The following ARHGAP24 variants were observed in gnomAD, a reference collection of about 807,000 sequenced individuals.
The protein encoded by ARHGAP24 is rho GTPase-activating protein 24.
ARHGAP24 carries 50 observed loss-of-function variants against 76.4 expected under a neutral mutation model. That is an observed-to-expected ratio of 0.65 (90% CI 0.52 to 0.83). The LOEUF (loss-of-function observed/expected upper bound fraction) is 0.83. Ranked by LOEUF, ARHGAP24 falls within the 40% of genes least tolerant of loss-of-function variation. The pLI, the probability that ARHGAP24 is intolerant of heterozygous loss-of-function variation, is 0.00. For synonymous variants in ARHGAP24, 345 were observed against 323.3 expected (o/e 1.07, Z -0.72); for missense variants, 930 against 914.2 (o/e 1.02, Z -0.22).
In ARHGAP24 at chr4:85,889,835, TC is replaced by T. The variant is rs1422610382; in HGVS notation, c.269-33807del. Reference sequence around the variant, plus strand: ...GCAATCACAGCACATTATTTCTTAATCCCCCCTAAACGCCTTATCTATACAT... The same window carrying T: ...GCAATCACAGCACATTATTTCTTAATCCCCCTAAACGCCTTATCTATACAT... On this transcript the variant is annotated intron_variant, in intron 3 of 9. Transcript: ENST00000395184. Among the ~76,000 whole-genome samples the T allele has an allele frequency of 3.9e-5, 6 of 152,198 alleles. No homozygotes were observed. In the East Asian group the frequency reaches 5.8e-4, roughly 15 times the overall value.
intron 3 of ARHGAP24, among the ~76,000 whole-genome samples, chr4:85,727,507 T>G (rs569720903): frequency 1.3e-4 from 20 of 152,172 alleles, no homozygotes; most frequent in Non-Finnish European, 2.5e-4. Flanking sequence ...ACAGACATTT[T>G]CCAGCAGTGA....
intron 8 of ARHGAP24, chr4:85,990,555 A>G (rs1385388633): frequency 1.3e-5 from 2 of 152,032 alleles, no homozygotes; most frequent in African/African-American, 2.4e-5. Flanking sequence ...CACATAATTA[A>G]AAGTGTGCTA....
intron 3 of ARHGAP24, among the ~76,000 whole-genome samples, chr4:85,876,754 A>T (rs1485115394): frequency 6.6e-6 from 1 of 152,188 alleles, no homozygotes; most frequent in African/African-American, 2.4e-5. Flanking sequence ...TCTAAATGTG[A>T]TGGAGCACAC....
intron 4 of ARHGAP24, among the ~76,000 whole-genome samples, chr4:85,931,324 C>T (rs113093434): frequency 6.6e-6 from 1 of 152,184 alleles, no homozygotes; most frequent in African/African-American, 2.4e-5. Flanking sequence ...GCTGGGCTGA[C>T]CGTCCTCAGA....
chr4:85,499,128 T>C (rs953695598), intron 1 of ARHGAP24, among the ~76,000 whole-genome samples: 1 of 152,216 alleles, frequency 6.6e-6, no homozygotes, highest in African/African-American at 2.4e-5. Context: ...GCTTAGAATG[T>C]CTTCGAATTT....
chr4:85,917,445 G>A (rs1578385644), intron 3 of ARHGAP24, among the ~76,000 whole-genome samples: 1 of 151,884 alleles, frequency 6.6e-6, no homozygotes, highest in East Asian at 1.9e-4. Flanking sequence ...GGATGGCTGG[G>A]TCAAATGGTA....
chr4:85,915,522 C>T (rs1735334166), intron 3 of ARHGAP24, among the ~76,000 whole-genome samples: 3 of 152,272 alleles, frequency 2.0e-5, no homozygotes, highest in Non-Finnish European at 4.4e-5. Flanking sequence ...CCGCACCCAT[C>T]AACCTGTCAT....
intron 3 of ARHGAP24, among the ~76,000 whole-genome samples, chr4:85,816,098 G>A (rs954765368): frequency 6.6e-6 from 1 of 152,090 alleles, no homozygotes; most frequent in Non-Finnish European, 1.5e-5. Context: ...CCCACAATAC[G>A]TGGGAATTAT....
intron 3 of ARHGAP24, among the ~76,000 whole-genome samples, chr4:85,749,022 T>C (rs1182399543): frequency 1.3e-5 from 2 of 152,172 alleles, no homozygotes; most frequent in Admixed American, 1.3e-4. Context: ...CATACAGGCA[T>C]ACCGGATGGC....
intron 3 of ARHGAP24, among the ~76,000 whole-genome samples, chr4:85,738,340 A>C (rs1725679298): frequency 6.7e-6 from 1 of 150,202 alleles, no homozygotes; most frequent in Admixed American, 6.6e-5. Flanking sequence ...GTGTTTTCAA[A>C]TCTTTGGCCT....
chr4:85,584,684 A>G (rs915237302), intron 2 of ARHGAP24, among the ~76,000 whole-genome samples: 3 of 152,164 alleles, frequency 2.0e-5, no homozygotes, highest in African/African-American at 7.2e-5. Context: ...AAGTCCAGGA[A>G]GGAAAAAATA....
chr4:85,593,468 C>T (rs1013786240), intron 2 of ARHGAP24, among the ~76,000 whole-genome samples: 4 of 152,172 alleles, frequency 2.6e-5, no homozygotes, highest in East Asian at 1.9e-4. Flanking sequence ...TGATGTGACC[C>T]CATTTGTCCA....
intron 3 of ARHGAP24, among the ~76,000 whole-genome samples, chr4:85,724,770 C>G (rs1483929869): frequency 6.6e-6 from 1 of 151,886 alleles, no homozygotes; most frequent in African/African-American, 2.4e-5. Context: ...GATTCATTAT[C>G]CTATGAAATG....
chr4:85,919,858 T>A (rs1409952641), intron 3 of ARHGAP24, among the ~76,000 whole-genome samples: 2 of 152,130 alleles, frequency 1.3e-5, no homozygotes, highest in African/African-American at 4.8e-5. Context: ...ATGATAATAT[T>A]TTGGGCCCGA....
intron 3 of ARHGAP24, among the ~76,000 whole-genome samples, chr4:85,853,565 G>T (rs112199524): frequency 4.6e-5 from 7 of 152,148 alleles, no homozygotes; most frequent in Non-Finnish European, 1.0e-4. Flanking sequence ...CGTCTGTCAC[G>T]CTGGGAGCTG....
chr4:85,649,519 T>C (rs957568254), intron 2 of ARHGAP24, among the ~76,000 whole-genome samples: 1 of 152,226 alleles, frequency 6.6e-6, no homozygotes, highest in African/African-American at 2.4e-5. Flanking sequence ...CTTCTTTGCA[T>C]TTAATGTATT....
chr4:85,977,027 AT>A (rs545904740), intron 7 of ARHGAP24, among the ~76,000 whole-genome samples: 5 of 152,034 alleles, frequency 3.3e-5, no homozygotes, highest in Non-Finnish European at 5.9e-5. Flanking sequence ...ACCTCAGGTG[AT>A]CCACCTGCCT....
chr4:85,596,788 A>T (rs1719852771), intron 2 of ARHGAP24, among the ~76,000 whole-genome samples: 1 of 152,126 alleles, frequency 6.6e-6, no homozygotes, highest in Admixed American at 6.6e-5. Context: ...ACATCATTTG[A>T]TAACTAGATT....
intron 2 of ARHGAP24, among the ~76,000 whole-genome samples, chr4:85,687,325 A>C (rs1037202029): frequency 6.6e-6 from 1 of 152,124 alleles, no homozygotes; most frequent in African/African-American, 2.4e-5. Context: ...GGTTTGCTCC[A>C]TGGGTATATT....
Sources: allele counts gnomAD v4.1 joint callset (sites outside exome capture counted in the v4.1 genomes callset), GRCh38; gene constraint gnomAD v4.1.1; transcripts MANE v1.5; gene names NCBI Gene and HGNC (gene_info 2026-07-23, HGNC 2026-07-21).